The following FAM171B variants were observed in gnomAD, a reference collection of about 807,000 sequenced individuals.
The protein encoded by FAM171B is family with sequence similarity 171 member B, also known as protein FAM171B.
Under a neutral mutation model 75.6 loss-of-function variants are expected in FAM171B, and 19 were observed. The ratio of observed to expected loss-of-function variants is 0.25; its 90% CI spans 0.18 to 0.37. FAM171B has a LOEUF of 0.37. Among genes scored for constraint, FAM171B ranks in the 10% least tolerant of loss-of-function variants. FAM171B has a pLI of 1.00. For missense variants in FAM171B, 848 were observed against 982.4 expected (o/e 0.86, Z 1.83); for synonymous variants, 367 against 361.7 (o/e 1.01, Z -0.17).
At chr2:186,715,810 C>T (rs186962482) in intron 1 of FAM171B, among the ~76,000 whole-genome samples, 9 of 152,206 alleles carry the variant, frequency 5.9e-5, no homozygotes, top group African/African-American at 2.2e-4. Context: ...GAAATAGGAA[C>T]TAAGATTGGG....
intron 6 of FAM171B, among the ~76,000 whole-genome samples, chr2:186,755,786 T>C (rs1344553637): frequency 6.6e-6 from 1 of 152,196 alleles, no homozygotes; most frequent in African/African-American, 2.4e-5. Context: ...CTTAAGAAGC[T>C]GGGACTAATT....
rs1194639067 is a variant in FAM171B, at chr2:186,762,482, C to A, written c.2140C>A (p.Leu714Ile). The change falls in exon 8 of 8, where the codon CTT becomes ATT. Residue 714 changes from leucine (L) to isoleucine (I), a missense_variant. Physicochemically the swap from Leu to Ile is conservative, Grantham distance 5. Around this residue, in one of 3 missense-constraint regions of FAM171B, gnomAD observed 136 missense variants for 159.3 expected, o/e 0.85. Transcript: ENST00000304698. This position sits in a 1 kb window ranked among gnomAD's most constrained non-coding sequence, Gnocchi z 4.0. Reference sequence around the variant, plus strand: ...GGACTCTGGGGTGGACATGAATGAGCTTCACTCAAGTAGAAAGCTCGAGAG... The same window carrying A: ...GGACTCTGGGGTGGACATGAATGAGATTCACTCAAGTAGAAAGCTCGAGAG... Reference protein sequence around the residue: ...SLDSGVDMNELHSSRKLEREK... With the variant: ...SLDSGVDMNEIHSSRKLEREK... The A allele has an allele frequency of 1.2e-6, 2 of 1,613,434 alleles. No individual in the cohort carries two copies. Among genetic ancestry groups the A allele is most frequent in the Non-Finnish European group, 1.7e-6 (2 of 1,179,752 alleles).
intron 1 of FAM171B, among the ~76,000 whole-genome samples, chr2:186,729,471 T>G (rs1690081848): frequency 6.6e-6 from 1 of 152,086 alleles, no homozygotes; most frequent in African/African-American, 2.4e-5. Flanking sequence ...GGTAGAGGAT[T>G]ATTAGGGATA....
intron 7 of FAM171B, 119 bp from the exon 8 acceptor site, chr2:186,761,360 T>G: frequency 4.2e-6 from 6 of 1,435,736 alleles, no homozygotes; most frequent in Non-Finnish European, 5.6e-6. Context: ...TTTTTATTTT[T>G]AATCTACATA....
At chr2:186,703,063 GTA>G (rs1254050224) in intron 1 of FAM171B, among the ~76,000 whole-genome samples, 129 of 128,638 alleles carry the variant, frequency 1.0e-3, no homozygotes, top group Middle Eastern at 3.8e-3. Flanking sequence ...ATGTGTGTGT[GTA>G]TATATATATA....
intron 1 of FAM171B, among the ~76,000 whole-genome samples, chr2:186,718,094 C>T (rs910741967): frequency 1.3e-5 from 2 of 152,128 alleles, no homozygotes; most frequent in South Asian, 2.1e-4. Context: ...TTGCCAGATC[C>T]GAAATGCTTT....
intron 6 of FAM171B, among the ~76,000 whole-genome samples, chr2:186,755,967 T>A (rs1690525871): frequency 6.6e-6 from 1 of 152,226 alleles, no homozygotes; most frequent in South Asian, 2.1e-4. Flanking sequence ...GCAACTATAA[T>A]GAAATATTGA....
At chr2:186,730,589 G>T (rs1193177694) in intron 1 of FAM171B, among the ~76,000 whole-genome samples, 1 of 152,066 alleles carries the variant, frequency 6.6e-6, no homozygotes, top group Non-Finnish European at 1.5e-5. Flanking sequence ...CAGAGAGGGA[G>T]ATTATGATTT....
In FAM171B at chr2:186,761,652, C is replaced by T; in HGVS notation, c.1310C>T (p.Pro437Leu). 6.2e-7 allele frequency: 1 copy of T among 1,611,836 alleles called. No individual in the cohort carries two copies. The highest frequency in any genetic ancestry group is 8.5e-7 in the Non-Finnish European group (1 of 1,179,314). The change falls in exon 8 of 8, where the codon CCT becomes CTT. Residue 437 changes from proline to leucine, a missense_variant. Around this residue, in one of 3 missense-constraint regions of FAM171B, gnomAD observed 665 missense variants for 729.0 expected, o/e 0.91. Transcript: ENST00000304698. ...AATGCCAAAAACTCCTCATATAGTCCTCAGAAAAAGGAACCATCAAAGGCA... is the reference window on the plus strand; with the variant it reads ...AATGCCAAAAACTCCTCATATAGTCTTCAGAAAAAGGAACCATCAAAGGCA... ...LFNAKNSSYS[P>L]QKKEPSKAET...
At chr2:186,743,437 T>TC (rs752584826) in intron 2 of FAM171B, 46 bp from the exon 3 acceptor site, 4 of 1,353,658 alleles carry the variant, frequency 3.0e-6, no homozygotes, top group Non-Finnish European at 1.1e-6. Flanking sequence ...CTAGTTTTTT[T>TC]CCCCTCACAT....
rs556990370 is a variant in FAM171B at position 186,753,837 on chromosome 2, T to C, written c.896-96T>C. 2.5e-4 allele frequency: 218 copies of C among 863,652 alleles called. No homozygotes were observed. The African/African-American group carries it at 3.4e-3, about 14-fold the overall frequency. 53.5% of individuals were successfully genotyped at this position (863,652 alleles called of 1,614,324 possible). The stretch of plus-strand genomic sequence containing the variant: ...CCTATGATTATATATTGCCACAGTT[T>C]TCATAATCTTTGAAAAAGTCCCATA... On this transcript the variant is annotated intron_variant, in intron 5 of 7. Transcript: ENST00000304698.
chr2:186,737,060 A>G (rs759894496), intron 1 of FAM171B, among the ~76,000 whole-genome samples: 10 of 152,228 alleles, frequency 6.6e-5, no homozygotes, highest in South Asian at 2.1e-4. Flanking sequence ...ATCTCAAAGT[A>G]GCTAACTATT....
rs1574116097 is a variant in FAM171B, at chr2:186,762,197, G to C, written c.1855G>C (p.Asp619His). 1 of 1,613,714 alleles carries C rather than the reference G, an allele frequency of 6.2e-7. No homozygotes were observed. The highest frequency in any genetic ancestry group is 8.5e-7 in the Non-Finnish European group (1 of 1,179,792). ...GQQSLPSQASDWSRYSSSLLE... is the reference protein window; with the variant it reads ...GQQSLPSQASHWSRYSSSLLE... The stretch of plus-strand genomic sequence containing the variant: ...ACAGAGCCTGCCATCCCAGGCTTCA[G>C]ATTGGAGCCGATACTCAAGCAGCTT... Residue 619 changes from aspartate to histidine, a missense_variant, in exon 8 of 8, where the codon GAT becomes CAT. By Grantham distance (81) the Asp-to-His change is moderately conservative. This residue lies in a region of FAM171B where 47 missense variants were observed against 94.0 expected (regional missense o/e 0.50). Transcript: ENST00000304698. This position sits in a 1 kb window ranked among gnomAD's most constrained non-coding sequence, Gnocchi z 4.0.
intron 6 of FAM171B, 51 bp from the exon 7 acceptor site, chr2:186,761,062 A>G (rs767839128): frequency 1.0e-5 from 16 of 1,564,150 alleles, no homozygotes; most frequent in Non-Finnish European, 1.1e-5. Context: ...GACATAGTTG[A>G]GAATTTGATC....
chr2:186,738,294 C>T (rs887173568), intron 1 of FAM171B, among the ~76,000 whole-genome samples: 3 of 151,884 alleles, frequency 2.0e-5, no homozygotes, highest in Non-Finnish European at 4.4e-5. Context: ...GGTTCTTGTC[C>T]CATGCCCAAG....
rs71396886 is a variant in FAM171B at position 186,736,645 on chromosome 2, CTTTTTTTTTTTT to C, written c.239-3568_239-3557del. Among the ~76,000 whole-genome samples, 6 of 50,204 alleles carry C rather than the reference CTTTTTTTTTTTT, an allele frequency of 1.2e-4. 1 individual carries two copies. Among genetic ancestry groups the C allele is most frequent in the African/African-American group, 1.7e-4 (2 of 12,100 alleles). The allele number at this position is 50,204 out of a possible 152,430, so 32.9% of individuals were successfully genotyped here. On this transcript the variant is annotated intron_variant, in intron 1 of 7. Transcript: ENST00000304698. The stretch of plus-strand genomic sequence containing the variant: ...TTTTAGACTCTGGAAGGGATCAGAG[CTTTTTTTTTTTT>C]TTTTTTTTTTTTTTAGTTTGGTGGA...
At chr2:186,760,469 A>G (rs1690598054) in intron 6 of FAM171B, among the ~76,000 whole-genome samples, 1 of 152,146 alleles carries the variant, frequency 6.6e-6, no homozygotes, top group Non-Finnish European at 1.5e-5. Flanking sequence ...ATTCTATCTT[A>G]AAATCTCTTT....
rs945957718 is a variant in FAM171B, at chr2:186,763,793, A to G, written c.*970A>G. The G allele has an allele frequency of 6.6e-6, 1 of 152,088 alleles. No individual in the cohort carries two copies. Among genetic ancestry groups the G allele is most frequent in the Non-Finnish European group, 1.5e-5 (1 of 67,976 alleles). 9.4% of individuals were successfully genotyped at this position (152,088 alleles called of 1,614,324 possible). Reference sequence around the variant, plus strand: ...TAAAATATGTGCAGATAAAATATACATTGATTTGTTTTTCTTAAATGTTGA... The same window carrying G: ...TAAAATATGTGCAGATAAAATATACGTTGATTTGTTTTTCTTAAATGTTGA... On this transcript the variant is annotated 3_prime_UTR_variant, in exon 8 of 8. Transcript: ENST00000304698.
chr2:186,705,647 T>C (rs1245567570), intron 1 of FAM171B, among the ~76,000 whole-genome samples: 1 of 152,118 alleles, frequency 6.6e-6, no homozygotes, highest in African/African-American at 2.4e-5. Context: ...TCAAATAACA[T>C]TTAGACTCAA....
Sources: allele counts gnomAD v4.1 joint callset (sites outside exome capture counted in the v4.1 genomes callset), GRCh38; gene constraint gnomAD v4.1.1; regional missense constraint gnomAD v4.1.1; non-coding constraint Gnocchi (gnomAD v3.1); transcripts MANE v1.5; gene names NCBI Gene and HGNC (gene_info 2026-07-23, HGNC 2026-07-21).